Variants in CSMD1 observed in about 807,000 individuals in gnomAD.
CSMD1 encodes the protein CUB and sushi domain-containing protein 1.
Under a neutral mutation model 417.5 loss-of-function variants are expected in CSMD1, and 213 were observed. That is an observed-to-expected ratio of 0.51 (90% CI 0.46 to 0.57). CSMD1 has a LOEUF of 0.57. Among genes scored for constraint, CSMD1 ranks in the 20% least tolerant of loss-of-function variants. The probability of loss-of-function intolerance (pLI) is 0.00; values close to 1 mark genes in which losing one functional copy is unlikely to be tolerated. For missense variants in CSMD1, 6,923 were observed against 4,529.7 expected (o/e 1.53, Z -15.17); for synonymous variants, 2,862 against 1,736.8 (o/e 1.65, Z -16.11).
intron 7 of CSMD1, among the ~76,000 whole-genome samples, chr8:3,662,002 T>C (rs569599870): frequency 2.0e-5 from 3 of 152,206 alleles, no homozygotes; most frequent in Non-Finnish European, 4.4e-5. Context: ...TACGCAGACC[T>C]TGATGGAAGA....
chr8:3,423,751 TA>T (rs1199750576), intron 12 of CSMD1, among the ~76,000 whole-genome samples: 3 of 152,136 alleles, frequency 2.0e-5, no homozygotes, highest in Non-Finnish European at 4.4e-5. Context: ...GGTGAACACT[TA>T]GGGGTGGAAT....
At chr8:3,227,423 T>C (rs1324669387) in intron 27 of CSMD1, among the ~76,000 whole-genome samples, 1 of 152,072 alleles carries the variant, frequency 6.6e-6, no homozygotes, top group African/African-American at 2.4e-5. Context: ...CAAACACGTT[T>C]TAAAAGTCCG....
intron 3 of CSMD1, among the ~76,000 whole-genome samples, chr8:4,222,548 A>G (rs985425038): frequency 1.3e-5 from 2 of 152,208 alleles, no homozygotes; most frequent in African/African-American, 4.8e-5. Context: ...AAACCACAGA[A>G]GTACAGAAAA....
intron 7 of CSMD1, among the ~76,000 whole-genome samples, chr8:3,669,300 G>A (rs1465997865): frequency 1.3e-5 from 2 of 152,156 alleles, no homozygotes; most frequent in African/African-American, 2.4e-5. Flanking sequence ...TTGTCATTGT[G>A]TTGCCTGTTT....
At chr8:4,204,153 G>C (rs138710601) in intron 3 of CSMD1, among the ~76,000 whole-genome samples, 21 of 152,116 alleles carry the variant, frequency 1.4e-4, no homozygotes, top group African/African-American at 4.8e-4. Flanking sequence ...TTCAAGTCCT[G>C]AAATTCATTG....
At chr8:3,619,345 C>A (rs900230) in intron 7 of CSMD1, among the ~76,000 whole-genome samples, 1 of 151,684 alleles carries the variant, frequency 6.6e-6, no homozygotes, top group East Asian at 1.9e-4. Flanking sequence ...GTTCTGCAAA[C>A]ATGGAGCACG....
At chr8:3,987,004 C>A (rs1160713871) in intron 5 of CSMD1, among the ~76,000 whole-genome samples, 1 of 152,168 alleles carries the variant, frequency 6.6e-6, no homozygotes, top group African/African-American at 2.4e-5. Context: ...ATCCACCTGC[C>A]TCAGCCTCCC....
rs922742 is a variant in CSMD1, at chr8:3,800,110, G to A, written c.819-46068C>T. Reference sequence around the variant, plus strand: ...AGGCTTTGTGCTAAGATCCACTGAAGTATATGGCGCTATTTATATTGTGTA... The same window carrying A: ...AGGCTTTGTGCTAAGATCCACTGAAATATATGGCGCTATTTATATTGTGTA... On this transcript the variant is annotated intron_variant, in intron 5 of 69. Coordinates refer to ENST00000635120, the MANE Select transcript of CSMD1 (RefSeq NM_033225.6). Among the ~76,000 whole-genome samples, 289 of 152,216 alleles carry A rather than the reference G, an allele frequency of 1.9e-3. 1 individual carries two copies. Among genetic ancestry groups the A allele is most frequent in the African/African-American group, 6.8e-3 (281 of 41,542 alleles).
intron 5 of CSMD1, among the ~76,000 whole-genome samples, chr8:3,948,129 C>T (rs953635197): frequency 3.9e-5 from 6 of 152,158 alleles, no homozygotes; most frequent in East Asian, 3.9e-4. Context: ...CTGCTTTAAC[C>T]GAGAGGCTTA....
At chr8:4,595,977 C>A (rs930422310) in intron 2 of CSMD1, among the ~76,000 whole-genome samples, 5 of 152,042 alleles carry the variant, frequency 3.3e-5, no homozygotes, top group African/African-American at 1.2e-4. Context: ...AGCCTCAAAT[C>A]CAGAGATCCC....
At chr8:2,951,399 CAA>C in intron 65 of CSMD1, 124 bp from the exon 66 acceptor site, 2 of 971,460 alleles carry the variant, frequency 2.1e-6, no homozygotes, top group East Asian at 5.4e-5. Flanking sequence ...GTGATGAAGA[CAA>C]GAGGAGCCTA....
intron 2 of CSMD1, among the ~76,000 whole-genome samples, chr8:4,606,128 T>A (rs937706929): frequency 4.6e-5 from 7 of 152,156 alleles, no homozygotes; most frequent in Admixed American, 1.3e-4. Context: ...ACTTGCAGGA[T>A]TAATTCACAC....
At chr8:4,512,165 A>G (rs911318461) in intron 2 of CSMD1, among the ~76,000 whole-genome samples, 1 of 152,322 alleles carries the variant, frequency 6.6e-6, no homozygotes, top group East Asian at 1.9e-4. Flanking sequence ...TATCACATCA[A>G]CAGGTTAAAG....
intron 2 of CSMD1, among the ~76,000 whole-genome samples, chr8:4,584,794 G>A (rs540797659): frequency 7.2e-5 from 11 of 152,162 alleles, no homozygotes; most frequent in South Asian, 4.1e-4. Context: ...GGTTAGGCCC[G>A]CTTCTAAAAA....
intron 5 of CSMD1, among the ~76,000 whole-genome samples, chr8:3,925,490 G>C (rs549652982): frequency 6.6e-6 from 1 of 152,326 alleles, no homozygotes; most frequent in Non-Finnish European, 1.5e-5. Context: ...TGGGTGGTAA[G>C]ACACTGATGC....
intron 10 of CSMD1, among the ~76,000 whole-genome samples, chr8:3,566,025 A>T (rs1296350641): frequency 6.6e-6 from 1 of 152,208 alleles, no homozygotes; most frequent in African/African-American, 2.4e-5. Flanking sequence ...AGAATAAAAC[A>T]TAAACTCTTT....
chr8:3,884,522 C>T (rs1806423509), intron 5 of CSMD1, among the ~76,000 whole-genome samples: 1 of 152,100 alleles, frequency 6.6e-6, no homozygotes, highest in Non-Finnish European at 1.5e-5. Flanking sequence ...CTTCGGGGTC[C>T]CAACACTGCA....
chr8:3,634,659 C>G (rs958228135), intron 7 of CSMD1, among the ~76,000 whole-genome samples: 8 of 152,146 alleles, frequency 5.3e-5, no homozygotes, highest in African/African-American at 1.9e-4. Flanking sequence ...CTGGGGACAC[C>G]TCAAACTGCA....
intron 4 of CSMD1, among the ~76,000 whole-genome samples, chr8:4,015,646 A>C (rs1796485270): frequency 7.0e-6 from 1 of 143,048 alleles, no homozygotes; most frequent in Non-Finnish European, 1.5e-5. Context: ...AATAGATAAA[A>C]ATCAGTTTGA....
Sources: gnomAD v4.1 joint callset for allele counts (sites outside exome capture counted in the v4.1 genomes callset) on GRCh38, gnomAD v4.1.1 for gene constraint, MANE v1.5 for transcripts, NCBI Gene and HGNC (gene_info 2026-07-23, HGNC 2026-07-21) for gene names.